The following ZBBX variants were observed in gnomAD, a reference collection of about 807,000 sequenced individuals.
ZBBX encodes zinc finger B-box domain-containing protein 1.
A neutral mutation model predicts 108.5 loss-of-function variants in ZBBX; 101 were observed. The observed-to-expected ratio is 0.93, with a 90% CI of 0.79 to 1.10. The LOEUF is 1.10. Ranked by LOEUF, ZBBX falls within the 50% of genes least tolerant of loss-of-function variation. The pLI is 0.00. For missense variants in ZBBX, 1,009 were observed against 941.4 expected (o/e 1.07, Z -0.94); for synonymous variants, 356 against 323.4 (o/e 1.10, Z -1.08).
chr3:167,334,054 T>A, intron 9 of ZBBX, 69 bp from the exon 10 acceptor site: 11 of 1,040,816 alleles, frequency 1.1e-5, no homozygotes, highest in Non-Finnish European at 1.2e-5. Context: ...ATACATTAAC[T>A]CATATTTGTG....
chr3:167,347,511 A>G (rs989128365), intron 9 of ZBBX, among the ~76,000 whole-genome samples: 11 of 152,056 alleles, frequency 7.2e-5, no homozygotes, highest in Non-Finnish European at 1.3e-4. Context: ...GAAACCACAT[A>G]CATGCAGAAT....
intron 20 of ZBBX, among the ~76,000 whole-genome samples, chr3:167,277,294 A>G (rs1260563912): frequency 6.6e-6 from 1 of 152,134 alleles, no homozygotes; most frequent in Non-Finnish European, 1.5e-5. Flanking sequence ...AAAGACACAC[A>G]CAGACTGGCA....
the ZBBX span, among the ~76,000 whole-genome samples, chr3:167,188,633 A>G: frequency 2.0e-5 from 3 of 152,174 alleles, no homozygotes; most frequent in South Asian, 2.1e-4. Flanking sequence ...TAAGACCACA[A>G]ACAAACTTAT....
At chr3:167,187,175 A>G in the ZBBX span, among the ~76,000 whole-genome samples, 1 of 152,162 alleles carries the variant, frequency 6.6e-6, no homozygotes, top group Non-Finnish European at 1.5e-5. Flanking sequence ...AATATATAAG[A>G]TACCAGCCTT....
At chr3:167,227,600 T>A in the ZBBX span, among the ~76,000 whole-genome samples, 1 of 151,736 alleles carries the variant, frequency 6.6e-6, no homozygotes. Flanking sequence ...TCATACGTGG[T>A]CACCTTTTAA....
At chr3:167,178,520 T>C in the ZBBX span, among the ~76,000 whole-genome samples, 3 of 152,136 alleles carry the variant, frequency 2.0e-5, no homozygotes, top group East Asian at 3.9e-4. Context: ...GTTGGGGTCC[T>C]CCTCAGCATC....
At chr3:167,406,721 G>A (rs145168104) in intron 1 of ZBBX, among the ~76,000 whole-genome samples, 12 of 152,198 alleles carry the variant, frequency 7.9e-5, no homozygotes, top group Non-Finnish European at 1.0e-4. Context: ...AAATTTGATC[G>A]CAAATGAGTA....
chr3:167,273,841 G>A (rs1726991082), intron 20 of ZBBX, among the ~76,000 whole-genome samples: 1 of 152,210 alleles, frequency 6.6e-6, no homozygotes, highest in South Asian at 2.1e-4. Flanking sequence ...GAGTCCCACA[G>A]GGGGTACCTG....
At chr3:167,209,729 C>A in the ZBBX span, among the ~76,000 whole-genome samples, 1 of 152,232 alleles carries the variant, frequency 6.6e-6, no homozygotes, top group Admixed American at 6.5e-5. Context: ...CATCAACAAA[C>A]AAACTAAATA....
At chr3:167,354,789 G>A (rs1743246851) in intron 8 of ZBBX, among the ~76,000 whole-genome samples, 2 of 151,870 alleles carry the variant, frequency 1.3e-5, no homozygotes, top group Non-Finnish European at 2.9e-5. Flanking sequence ...CTGAAAATGA[G>A]TTTCAGCATA....
In ZBBX at chr3:167,298,361, A is replaced by C; in HGVS notation, c.1823T>G (p.Leu608Ter). 6.2e-7 allele frequency: 1 copy of C among 1,601,882 alleles called. No homozygotes were observed. The highest frequency in any genetic ancestry group is 8.5e-7 in the Non-Finnish European group (1 of 1,173,344). The change falls in exon 18 of 22, where the codon TTA becomes TGA. Residue 608 changes from leucine to a stop codon, truncating the protein, a stop_gained. Coordinates refer to ENST00000675490, the MANE Select transcript of ZBBX (RefSeq NM_001199201.2). LOFTEE classifies it high-confidence loss of function. ...FIFDTNERLN[L>*]LPSHRLECNN... is the part of the protein sequence containing the mutation. ...GCATTCTAAACGATGAGAAGGAAGT[A>C]AGTTGAGTCTTTCATTTGTATCAAA...
chr3:167,194,911 C>T, the ZBBX span, among the ~76,000 whole-genome samples: 1 of 152,122 alleles, frequency 6.6e-6, no homozygotes, highest in African/African-American at 2.4e-5. Flanking sequence ...CTTTCAGGAG[C>T]ACCAGGAGGA....
intron 17 of ZBBX, among the ~76,000 whole-genome samples, chr3:167,299,779 C>T (rs1430386263): frequency 6.6e-6 from 1 of 152,128 alleles, no homozygotes; most frequent in Non-Finnish European, 1.5e-5. Context: ...GATGGAATGG[C>T]TTCTACTAGG....
At chr3:167,388,891 T>A (rs1348482724) in intron 1 of ZBBX, among the ~76,000 whole-genome samples, 1 of 152,132 alleles carries the variant, frequency 6.6e-6, no homozygotes, top group Non-Finnish European at 1.5e-5. Context: ...TAAATTTGCA[T>A]TTCTTTTATA....
chr3:167,249,319 G>A (rs1349286929), intron 20 of ZBBX, among the ~76,000 whole-genome samples: 1 of 152,150 alleles, frequency 6.6e-6, no homozygotes, highest in African/African-American at 2.4e-5. Flanking sequence ...GACCTTTGCT[G>A]ACAGAGTAGG....
At chr3:167,198,580 T>C in the ZBBX span, among the ~76,000 whole-genome samples, 2 of 152,160 alleles carry the variant, frequency 1.3e-5, no homozygotes, top group Non-Finnish European at 2.9e-5. Context: ...ATAGTGATTG[T>C]GAAAGAGTCT....
upstream of ZBBX, among the ~76,000 whole-genome samples, chr3:167,383,245 T>C (rs556945001): frequency 2.6e-5 from 4 of 152,174 alleles, no homozygotes; most frequent in South Asian, 8.3e-4. Flanking sequence ...CATTTCAAGG[T>C]AGCAAAACCA....
chr3:167,258,759 T>A (rs1412253317), intron 20 of ZBBX, among the ~76,000 whole-genome samples: 1 of 152,252 alleles, frequency 6.6e-6, no homozygotes, highest in Non-Finnish European at 1.5e-5. Flanking sequence ...ATTCTGTGTA[T>A]GTGGTGCATC....
At chr3:167,405,763 T>G (rs1468242743) in intron 1 of ZBBX, among the ~76,000 whole-genome samples, 1 of 152,158 alleles carries the variant, frequency 6.6e-6, no homozygotes, top group Non-Finnish European at 1.5e-5. Flanking sequence ...AAGCAATAGG[T>G]ACTCTCTTCA....
Sources: gnomAD v4.1 joint callset for allele counts (sites outside exome capture counted in the v4.1 genomes callset) on GRCh38, gnomAD v4.1.1 for gene constraint, MANE v1.5 for transcripts, NCBI Gene and HGNC (gene_info 2026-07-23, HGNC 2026-07-21) for gene names.